ATP9B: variants seen among roughly 807,000 people sequenced by gnomAD.
The protein encoded by ATP9B is probable phospholipid-transporting ATPase IIB.
Under a neutral mutation model 146.1 loss-of-function variants are expected in ATP9B, and 110 were observed. The observed-to-expected ratio is 0.75, with a 90% CI of 0.65 to 0.88. ATP9B has a LOEUF of 0.88. ATP9B is among the 40% of genes least tolerant of loss of function. ATP9B has a pLI of 0.00. For missense variants in ATP9B, 1,499 were observed against 1,496.4 expected (o/e 1.00, Z -0.03); for synonymous variants, 604 against 569.7 (o/e 1.06, Z -0.86).
Position 79,377,637 on chromosome 18 carries a change from C to T in ATP9B, c.*254C>T. On this transcript the variant is annotated 3_prime_UTR_variant, in exon 30 of 30. Coordinates refer to ENST00000426216, the MANE Select transcript of ATP9B (RefSeq NM_198531.5). ...CTCCCTCTCAGTGCGAGGCTTCACC[C>T]CTGCCAGGCAAGCCCAGGGCATAGA... The T allele has an allele frequency of 1.9e-6, 1 of 514,940 alleles. No homozygotes were observed. Among genetic ancestry groups the T allele is most frequent in the Non-Finnish European group, 3.5e-6 (1 of 286,568 alleles). 31.9% of individuals were successfully genotyped at this position (514,940 alleles called of 1,614,324 possible). A position where few individuals can be genotyped will look rare whatever the true frequency, so the allele number is the denominator to read the frequency against.
chr18:79,239,779 A>G lies in ATP9B; in HGVS notation c.1108-13602A>G, dbSNP rs2095872152. Among the ~76,000 whole-genome samples, 2 of 152,090 alleles carry G rather than the reference A, an allele frequency of 1.3e-5. No homozygotes were observed. Among genetic ancestry groups the G allele is most frequent in the African/African-American group, 4.8e-5 (2 of 41,392 alleles). ...GTTTTCTCACCTTGCTGTTTTCTCG[A>G]GAGCATTGTTTTGTGAGGGCGGTTG... On this transcript the variant is annotated intron_variant, in intron 11 of 29. Coordinates refer to ENST00000426216, the MANE Select transcript of ATP9B (RefSeq NM_198531.5). This position sits in a 1 kb window ranked among gnomAD's most constrained non-coding sequence, Gnocchi z 5.1.
At chr18:79,353,871 G>A (rs997111747) in intron 25 of ATP9B, 3 of 152,182 alleles carry the variant, frequency 2.0e-5, no homozygotes, top group African/African-American at 7.2e-5. Context: ...GTTAACAAAA[G>A]TAATTAAAGA....
intron 12 of ATP9B, among the ~76,000 whole-genome samples, chr18:79,259,863 A>G (rs1285617158): frequency 6.6e-6 from 1 of 152,236 alleles, no homozygotes; most frequent in Non-Finnish European, 1.5e-5. Context: ...CTAATTTACC[A>G]AACATCTTTA....
At chr18:79,341,075 C>T (rs2096855531) in intron 19 of ATP9B, among the ~76,000 whole-genome samples, 1 of 152,276 alleles carries the variant, frequency 6.6e-6, no homozygotes. Flanking sequence ...CTACACATCA[C>T]TGTGCTCTCG....
intron 20 of ATP9B, among the ~76,000 whole-genome samples, chr18:79,342,903 T>C (rs2096867036): frequency 2.0e-5 from 3 of 152,232 alleles, no homozygotes; most frequent in Admixed American, 2.0e-4. Context: ...TTTTAATCAC[T>C]GCCATTTTCA....
At chr18:79,208,529 CTA>C (rs2095555582) in intron 10 of ATP9B, among the ~76,000 whole-genome samples, 1 of 152,128 alleles carries the variant, frequency 6.6e-6, no homozygotes. Flanking sequence ...GCAAAACTAA[CTA>C]TACAACGAAC....
At chr18:79,376,696 C>CTTTT (rs35556122) in intron 29 of ATP9B, among the ~76,000 whole-genome samples, 2 of 129,288 alleles carry the variant, frequency 1.5e-5, no homozygotes, top group Non-Finnish European at 3.3e-5. Context: ...GGCCTACAAC[C>CTTTT]TTTTTTTTTT....
chr18:79,323,778 G>C (rs903505233), intron 15 of ATP9B, among the ~76,000 whole-genome samples: 8 of 152,210 alleles, frequency 5.3e-5, no homozygotes, highest in African/African-American at 1.9e-4. Context: ...GGGGTGCCGA[G>C]ATCTCTTCAG....
rs542888957 is a variant in ATP9B, at chr18:79,210,699, G to T, written c.1031-3263G>T. Among the ~76,000 whole-genome samples the T allele has an allele frequency of 1.8e-4, 28 of 152,362 alleles. No individual in the cohort carries two copies. The East Asian group carries it at 5.2e-3, about 28-fold the overall frequency. The stretch of plus-strand genomic sequence containing the variant: ...TCCAGCCCGGGAGCGCCTGCCCCAG[G>T]GAGCAGTGCACACTGGGGTTCTGTG... On this transcript the variant is annotated intron_variant, in intron 10 of 29. Transcript: ENST00000426216.
chr18:79,084,947 T>A (rs372725877), intron 1 of ATP9B, among the ~76,000 whole-genome samples: 5 of 151,840 alleles, frequency 3.3e-5, no homozygotes, highest in African/African-American at 9.7e-5. Flanking sequence ...TTGAGTATGA[T>A]GTTAGTCCAT....
At position 79,188,912 on chromosome 18, in the gene ATP9B, G is replaced by A. The variant is rs200163566; in HGVS notation, c.874-4271G>A. Reference sequence around the variant, plus strand: ...GCATTTTTTTTTTTTTTAGTTTGCAGTATTCTGTTAACTAAAATATGCCTT... The same window carrying A: ...GCATTTTTTTTTTTTTTAGTTTGCAATATTCTGTTAACTAAAATATGCCTT... On this transcript the variant is annotated intron_variant, in intron 8 of 29. Coordinates refer to ENST00000426216, the MANE Select transcript of ATP9B (RefSeq NM_198531.5). Among the ~76,000 whole-genome samples, 38 of 148,010 alleles carry A rather than the reference G, an allele frequency of 2.6e-4. No homozygotes were observed. The East Asian group carries it at 7.5e-3, about 29-fold the overall frequency.
intron 26 of ATP9B, among the ~76,000 whole-genome samples, chr18:79,371,741 G>A (rs945976659): frequency 1.3e-5 from 2 of 152,182 alleles, no homozygotes; most frequent in Non-Finnish European, 2.9e-5. Flanking sequence ...CATCTTCCCT[G>A]CTGTCTTCTG....
At chr18:79,265,815 G>T (rs1681404772) in intron 12 of ATP9B, among the ~76,000 whole-genome samples, 1 of 152,074 alleles carries the variant, frequency 6.6e-6, no homozygotes, top group Admixed American at 6.5e-5. Context: ...CTTCACCCAT[G>T]CCTGTGTGCT....
At chr18:79,116,668 A>G (rs1240789213) in intron 4 of ATP9B, among the ~76,000 whole-genome samples, 1 of 36,262 alleles carries the variant, frequency 2.8e-5, no homozygotes, top group Non-Finnish European at 5.6e-5. Flanking sequence ...AAACTATCGC[A>G]AGAACAAAAA....
chr18:79,157,207 T>TACACACACAC lies in ATP9B; in HGVS notation c.778+2683_778+2692dup, dbSNP rs147810207. Reference sequence around the variant, plus strand: ...AAAACCCCGTCTCTACTAAAAAAAATACACACACACACACACACACACACA... The same window carrying TACACACACAC: ...AAAACCCCGTCTCTACTAAAAAAAATACACACACACACACACACACACACACACACACACA... On this transcript the variant is annotated intron_variant, in intron 7 of 29. Coordinates refer to ENST00000426216, the MANE Select transcript of ATP9B (RefSeq NM_198531.5). Among the ~76,000 whole-genome samples, 748 of 135,372 alleles carry TACACACACAC rather than the reference T, an allele frequency of 5.5e-3. 4 individuals are homozygous for TACACACACAC. The highest frequency in any genetic ancestry group is 0.014 in the African/African-American group (482 of 35,490). The allele number at this position is 135,372 out of a possible 152,430, so 88.8% of individuals were successfully genotyped here.
chr18:79,327,482 C>A (rs1028138853), intron 15 of ATP9B, among the ~76,000 whole-genome samples: 1 of 149,374 alleles, frequency 6.7e-6, no homozygotes, highest in African/African-American at 2.5e-5. Context: ...CCGTGGTTAG[C>A]GTGCTCTCCG....
At position 79,376,182 on chromosome 18, in the gene ATP9B, C is replaced by T. The variant is rs908832207; in HGVS notation, c.3307+756C>T. 146 of 806,814 alleles carry T rather than the reference C, an allele frequency of 1.8e-4. 1 individual carries two copies. The highest frequency in any genetic ancestry group is 7.2e-4 in the Admixed American group (9 of 12,494). The allele number at this position is 806,814 out of a possible 1,614,324, so 50.0% of individuals were successfully genotyped here. A position where few individuals can be genotyped will look rare whatever the true frequency, so the allele number is the denominator to read the frequency against. On this transcript the variant is annotated intron_variant, in intron 29 of 29. Transcript: ENST00000426216. ...CAGCTCTACCTTAGAAACACACACA[C>T]ACACACACACACACACACACACACA...
At chr18:79,217,030 C>A (rs565693599) in intron 11 of ATP9B, among the ~76,000 whole-genome samples, 6 of 152,236 alleles carry the variant, frequency 3.9e-5, no homozygotes, top group African/African-American at 1.2e-4. Flanking sequence ...TGAATCCACA[C>A]GATGGCTCCC....
chr18:79,243,188 G>A (rs995618268), intron 11 of ATP9B, among the ~76,000 whole-genome samples: 20 of 152,096 alleles, frequency 1.3e-4, no homozygotes, highest in African/African-American at 3.6e-4. Context: ...ATGTGTGGGC[G>A]GAACAGAAAA....
Sources: allele counts gnomAD v4.1 joint callset (sites outside exome capture counted in the v4.1 genomes callset), GRCh38; gene constraint gnomAD v4.1.1; non-coding constraint Gnocchi (gnomAD v3.1); transcripts MANE v1.5; gene names NCBI Gene and HGNC (gene_info 2026-07-23, HGNC 2026-07-21).